The following ENTREP1 variants were observed in gnomAD, a reference collection of about 807,000 sequenced individuals.
ENTREP1 encodes Friedreich ataxia region gene X123.
the ENTREP1 span, among the ~76,000 whole-genome samples, chr9:69,345,360 G>T: frequency 2.0e-5 from 3 of 152,186 alleles, no homozygotes; most frequent in Non-Finnish European, 4.4e-5. Context: ...ATAGATTTGG[G>T]TCAGACCCAG....
At chr9:69,336,368 C>A in the ENTREP1 span, 10 of 693,646 alleles carry the variant, frequency 1.4e-5, no homozygotes, top group South Asian at 1.6e-4. Context: ...CTTCCTTGTT[C>A]ATTAAAAAAA....
At chr9:69,335,591 T>A in the ENTREP1 span, among the ~76,000 whole-genome samples, 1 of 152,144 alleles carries the variant, frequency 6.6e-6, no homozygotes, top group South Asian at 2.1e-4. Context: ...AGAGAAGATC[T>A]TGAAGGGCCT....
chr9:69,388,014 G>A, the ENTREP1 span: 1 of 1,559,252 alleles, frequency 6.4e-7, no homozygotes, highest in Non-Finnish European at 8.7e-7. Context: ...CCCTCCTTCT[G>A]CAAGATGAAA....
the ENTREP1 span, among the ~76,000 whole-genome samples, chr9:69,326,153 TAGTA>T: frequency 6.6e-6 from 1 of 152,116 alleles, no homozygotes; most frequent in Non-Finnish European, 1.5e-5. Context: ...GCCTGGCACA[TAGTA>T]GGTGTATTTG....
chr9:69,331,236 T>A, the ENTREP1 span, among the ~76,000 whole-genome samples: 1 of 152,252 alleles, frequency 6.6e-6, no homozygotes, highest in African/African-American at 2.4e-5. Flanking sequence ...TCTCTGTGTT[T>A]ACATACAGCA....
At chr9:69,371,484 C>G in the ENTREP1 span, 2 of 1,553,338 alleles carry the variant, frequency 1.3e-6, no homozygotes, top group Non-Finnish European at 1.8e-6. Flanking sequence ...ACTGTCCATT[C>G]TCTTGCCATT....
the ENTREP1 span, among the ~76,000 whole-genome samples, chr9:69,389,515 G>A: frequency 6.6e-6 from 1 of 152,158 alleles, no homozygotes; most frequent in African/African-American, 2.4e-5. Context: ...ACCCTCTTGG[G>A]TTTGCACTCT....
At chr9:69,380,651 GCACCC>G in the ENTREP1 span, 1 of 152,330 alleles carries the variant, frequency 6.6e-6, no homozygotes, top group South Asian at 2.1e-4. Context: ...AGGGGGCCGT[GCACCC>G]CACCCCACCT....
chr9:69,389,468 A>G, the ENTREP1 span, among the ~76,000 whole-genome samples: 1 of 152,174 alleles, frequency 6.6e-6, no homozygotes, highest in Non-Finnish European at 1.5e-5. Flanking sequence ...GGGAGGAATG[A>G]TCTGATTACT....
the ENTREP1 span, among the ~76,000 whole-genome samples, chr9:69,341,448 C>T: frequency 6.6e-6 from 1 of 151,110 alleles, no homozygotes; most frequent in Non-Finnish European, 1.5e-5. Context: ...AACCTCATTA[C>T]CTGAAGAGAC....
the ENTREP1 span, chr9:69,391,821 G>A: frequency 1.3e-6 from 2 of 1,573,372 alleles, no homozygotes; most frequent in African/African-American, 1.3e-5. Context: ...GAAGACAGAA[G>A]GCCACTCCAA....
the ENTREP1 span, among the ~76,000 whole-genome samples, chr9:69,376,089 GAT>G: frequency 6.6e-6 from 1 of 152,162 alleles, no homozygotes; most frequent in South Asian, 2.1e-4. Context: ...AGAACTGTAA[GAT>G]AGTAAAAAAT....
the ENTREP1 span, among the ~76,000 whole-genome samples, chr9:69,390,946 A>ATT: frequency 1.5e-5 from 2 of 133,610 alleles, no homozygotes; most frequent in Admixed American, 7.4e-5. Context: ...CAGCTAATTA[A>ATT]TTTTTTTTTT....
chr9:69,382,820 A>T, the ENTREP1 span: 2 of 170,024 alleles, frequency 1.2e-5, no homozygotes, highest in African/African-American at 2.4e-5. Context: ...CATTTCTTTT[A>T]GCTTTTTAAA....
chr9:69,345,159 T>C, the ENTREP1 span, among the ~76,000 whole-genome samples: 2 of 152,076 alleles, frequency 1.3e-5, no homozygotes. Context: ...GTGGGAAGTG[T>C]CAGGTGAAGG....
chr9:69,368,782 T>C, the ENTREP1 span, among the ~76,000 whole-genome samples: 1 of 152,164 alleles, frequency 6.6e-6, no homozygotes, highest in East Asian at 1.9e-4. Context: ...TTATTTGCAA[T>C]TCTTCTGCAT....
the ENTREP1 span, chr9:69,329,757 G>C: frequency 4.4e-6 from 3 of 689,188 alleles, no homozygotes; most frequent in Non-Finnish European, 4.9e-6. Flanking sequence ...CCTAGCTCTC[G>C]GTTTGGGGGG....
At chr9:69,377,387 G>A in the ENTREP1 span, 1 of 1,613,210 alleles carries the variant, frequency 6.2e-7, no homozygotes, top group Admixed American at 1.7e-5. Flanking sequence ...TCTTTGCCCT[G>A]TGTGCCTTGA....
At chr9:69,329,680 A>C in the ENTREP1 span, 10 of 985,110 alleles carry the variant, frequency 1.0e-5, no homozygotes, top group African/African-American at 1.7e-4. Flanking sequence ...CTTGAAAAAC[A>C]ACCTGGCATT....
Sources: allele counts gnomAD v4.1 joint callset (sites outside exome capture counted in the v4.1 genomes callset), GRCh38; gene constraint gnomAD v4.1.1; transcripts MANE v1.5; gene names NCBI Gene and HGNC (gene_info 2026-07-23, HGNC 2026-07-21).